Variants in OR9Q1 observed in about 807,000 individuals in gnomAD.
The protein encoded by OR9Q1 is olfactory receptor family 9 subfamily Q member 1, also known as olfactory receptor 9Q1.
For synonymous variants in OR9Q1, 153 were observed against 148.6 expected, an observed-to-expected ratio of 1.03 and a Z score of -0.22; for missense variants, 374 against 378.8, an observed-to-expected ratio of 0.99 and a Z score of 0.11.
chr11:58,140,727 T>G (rs1024278556), intron 2 of OR9Q1, among the ~76,000 whole-genome samples: 15 of 152,208 alleles, frequency 9.9e-5, no homozygotes, highest in Non-Finnish European at 1.9e-4. Flanking sequence ...GCGTGATGCC[T>G]CCAGCTTTGT....
At chr11:58,088,865 G>A (rs1302842446) in intron 2 of OR9Q1, among the ~76,000 whole-genome samples, 1 of 151,394 alleles carries the variant, frequency 6.6e-6, no homozygotes, top group Non-Finnish European at 1.5e-5. Context: ...TTTGGCTTTT[G>A]TTGCAATTGC....
chr11:58,140,759 T>C (rs1854239744), intron 2 of OR9Q1, among the ~76,000 whole-genome samples: 1 of 152,232 alleles, frequency 6.6e-6, no homozygotes, highest in African/African-American at 2.4e-5. Context: ...AGGATTGACT[T>C]GGCAATGCGG....
rs146788068 is a variant in OR9Q1 at position 58,037,470 on chromosome 11, C to T, written c.-93+13366C>T. On this transcript the variant is annotated intron_variant, in intron 1 of 2. Transcript: ENST00000335397. ...AAAATGAGTTAGACTTTTAGGTTTC[C>T]GAACAAAATGGAAAGATGAAAAGAA... Among the ~76,000 whole-genome samples, 914 of 150,898 alleles carry T rather than the reference C, an allele frequency of 6.1e-3. 13 individuals carry two copies. The highest frequency in any genetic ancestry group is 0.022 in the African/African-American group (886 of 40,988).
intron 2 of OR9Q1, among the ~76,000 whole-genome samples, chr11:58,173,211 G>A (rs1324031984): frequency 6.6e-6 from 1 of 151,698 alleles, no homozygotes; most frequent in East Asian, 1.9e-4. Flanking sequence ...ATGTATACAT[G>A]TGCCATGTTG....
At chr11:58,126,910 G>A (rs1854095342) in intron 2 of OR9Q1, among the ~76,000 whole-genome samples, 1 of 152,062 alleles carries the variant, frequency 6.6e-6, no homozygotes, top group Admixed American at 6.5e-5. Context: ...GTGCTTTGAT[G>A]TATAACATAA....
chr11:58,160,804 T>C (rs1854450216), intron 2 of OR9Q1, among the ~76,000 whole-genome samples: 1 of 152,142 alleles, frequency 6.6e-6, no homozygotes, highest in Admixed American at 6.6e-5. Context: ...CACTGAAATG[T>C]AGCAAGTTCA....
chr11:58,115,582 G>A (rs997565726), intron 2 of OR9Q1, among the ~76,000 whole-genome samples: 10 of 152,138 alleles, frequency 6.6e-5, no homozygotes, highest in Non-Finnish European at 1.5e-4. Flanking sequence ...GCAGGGAAAA[G>A]CCATAACTGA....
intron 2 of OR9Q1, among the ~76,000 whole-genome samples, chr11:58,140,063 T>G (rs1217071999): frequency 7.2e-5 from 11 of 152,228 alleles, no homozygotes; most frequent in Admixed American, 6.5e-4. Context: ...TTCATGTGTC[T>G]TTTGGCTGCA....
At chr11:58,029,351 T>C (rs1853006313) in intron 1 of OR9Q1, among the ~76,000 whole-genome samples, 1 of 152,134 alleles carries the variant, frequency 6.6e-6, no homozygotes, top group African/African-American at 2.4e-5. Context: ...CTACTGTCAC[T>C]GGGTTTCAAG....
chr11:58,134,291 G>C (rs1854170733), intron 2 of OR9Q1, among the ~76,000 whole-genome samples: 1 of 152,172 alleles, frequency 6.6e-6, no homozygotes, highest in African/African-American at 2.4e-5. Flanking sequence ...CAGAACAGCT[G>C]TGCTAAGACT....
At chr11:58,125,160 CTATT>C (rs753900802) in intron 2 of OR9Q1, 3 of 151,464 alleles carry the variant, frequency 2.0e-5, no homozygotes, top group Non-Finnish European at 2.9e-5. Flanking sequence ...CCACATGAAA[CTATT>C]TATATTTTCT....
At chr11:58,144,876 T>A (rs910406301) in intron 2 of OR9Q1, 2 of 152,504 alleles carry the variant, frequency 1.3e-5, no homozygotes, top group Admixed American at 6.5e-5. Context: ...CCCTCCTCTA[T>A]GCCATAGTCA....
At chr11:58,025,368 C>A (rs2441955) in intron 1 of OR9Q1, among the ~76,000 whole-genome samples, 141,273 of 152,160 alleles carry the variant, frequency 0.93, 65,819 homozygotes, top group South Asian at 0.97. Flanking sequence ...TGACCAGCTA[C>A]TTTTTGTATT....
intron 2 of OR9Q1, among the ~76,000 whole-genome samples, chr11:58,066,311 A>G (rs1300040356): frequency 1.3e-5 from 2 of 152,100 alleles, no homozygotes; most frequent in Non-Finnish European, 2.9e-5. Context: ...CTGGGGGTCC[A>G]GATAGTGTCC....
At chr11:58,167,612 G>T (rs1413275025) in intron 2 of OR9Q1, among the ~76,000 whole-genome samples, 1 of 152,128 alleles carries the variant, frequency 6.6e-6, no homozygotes, top group Non-Finnish European at 1.5e-5. Flanking sequence ...AGTGCTTCTG[G>T]TTTTAGCTGG....
At chr11:58,169,503 A>G (rs1485502524) in intron 2 of OR9Q1, among the ~76,000 whole-genome samples, 1 of 152,084 alleles carries the variant, frequency 6.6e-6, no homozygotes, top group African/African-American at 2.4e-5. Flanking sequence ...TGGGAAGCGT[A>G]GCAGGTTTAT....
chr11:58,171,753 A>G (rs920050879), intron 2 of OR9Q1: 2 of 152,200 alleles, frequency 1.3e-5, no homozygotes, highest in African/African-American at 2.4e-5. Context: ...AAAACATTCA[A>G]CAACCTCCTC....
intron 2 of OR9Q1, among the ~76,000 whole-genome samples, chr11:58,092,652 C>A (rs1002940851): frequency 6.6e-6 from 1 of 151,952 alleles, no homozygotes; most frequent in African/African-American, 2.4e-5. Context: ...CTTCTTTTTT[C>A]GTTTCTCCTT....
intron 2 of OR9Q1, among the ~76,000 whole-genome samples, chr11:58,086,566 T>C (rs1002555742): frequency 5.3e-5 from 8 of 152,026 alleles, no homozygotes; most frequent in South Asian, 4.1e-4. Flanking sequence ...CCATGTTCAT[T>C]GAATCATTCT....
Sources: gnomAD v4.1 joint callset for allele counts (sites outside exome capture counted in the v4.1 genomes callset) on GRCh38, gnomAD v4.1.1 for gene constraint, MANE v1.5 for transcripts, NCBI Gene and HGNC (gene_info 2026-07-23, HGNC 2026-07-21) for gene names.